Variants in DENND4C observed in about 807,000 individuals in gnomAD.
The protein encoded by DENND4C is DENN domain containing 4C.
In DENND4C, 108 loss-of-function variants were observed where a neutral mutation model predicts 203.0. That is an observed-to-expected ratio of 0.53 (90% CI 0.46 to 0.62). DENND4C has a LOEUF of 0.62. DENND4C is among the 20% of genes least tolerant of loss of function. DENND4C has a pLI of 0.00. For missense variants in DENND4C, 2,481 were observed against 2,301.2 expected (o/e 1.08, Z -1.60); for synonymous variants, 871 against 792.4 (o/e 1.10, Z -1.67).
intron 18 of DENND4C, among the ~76,000 whole-genome samples, chr9:19,335,862 G>C (rs796491691): frequency 6.6e-6 from 1 of 151,978 alleles, no homozygotes. Flanking sequence ...CATTTCTTTT[G>C]CATATCTATA....
intron 24 of DENND4C, among the ~76,000 whole-genome samples, chr9:19,351,861 A>C (rs191382222): frequency 9.4e-4 from 143 of 152,280 alleles, no homozygotes; most frequent in Non-Finnish European, 1.6e-3. Flanking sequence ...AGTTGAAAGA[A>C]TCGTATAATG....
chr9:19,262,846 G>C (rs1829706436), intron 1 of DENND4C, among the ~76,000 whole-genome samples: 1 of 152,228 alleles, frequency 6.6e-6, no homozygotes, highest in African/African-American at 2.4e-5. Flanking sequence ...TGGGATTACA[G>C]GTGTGAGCCA....
chr9:19,272,191 G>A (rs1313598183), intron 1 of DENND4C, among the ~76,000 whole-genome samples: 3 of 151,786 alleles, frequency 2.0e-5, no homozygotes, highest in African/African-American at 4.8e-5. Flanking sequence ...AGGCCAAGGT[G>A]GGCGGATCAC....
intron 1 of DENND4C, among the ~76,000 whole-genome samples, chr9:19,256,297 GT>G (rs796711741): frequency 0.011 from 1,402 of 122,566 alleles, 17 homozygotes; most frequent in African/African-American, 0.039. Flanking sequence ...TTTCTTTTCT[GT>G]TTTTTTTTTT....
intron 20 of DENND4C, among the ~76,000 whole-genome samples, chr9:19,337,887 A>G (rs1015556375): frequency 1.3e-5 from 2 of 152,214 alleles, no homozygotes; most frequent in African/African-American, 2.4e-5. Flanking sequence ...ATTTGAAAAT[A>G]TATTATGCCT....
At chr9:19,261,929 A>G (rs1450380935) in intron 1 of DENND4C, among the ~76,000 whole-genome samples, 2 of 151,950 alleles carry the variant, frequency 1.3e-5, no homozygotes, top group African/African-American at 4.8e-5. Context: ...CTTATTAAGT[A>G]CTTTATTTTA....
chr9:19,327,436 A>G (rs1427507782), intron 15 of DENND4C, among the ~76,000 whole-genome samples: 1 of 152,000 alleles, frequency 6.6e-6, no homozygotes, highest in Non-Finnish European at 1.5e-5. Context: ...TAATTATAAT[A>G]ATTTTAATTC....
intron 9 of DENND4C, among the ~76,000 whole-genome samples, chr9:19,300,548 G>C (rs1007236708): frequency 3.9e-5 from 6 of 152,094 alleles, no homozygotes; most frequent in Non-Finnish European, 5.9e-5. Context: ...TAGGAAAAAC[G>C]TCAATTTCCA....
Position 19,275,194 on chromosome 9 carries a change from T to G in DENND4C, c.-17-964T>G, listed in dbSNP as rs961023797. Among the ~76,000 whole-genome samples, 22 of 151,692 alleles carry G rather than the reference T, an allele frequency of 1.5e-4. 2 individuals carry two copies. Among genetic ancestry groups the G allele is most frequent in the Admixed American group, 4.6e-4 (7 of 15,244 alleles). On this transcript the variant is annotated intron_variant, in intron 1 of 32. Coordinates refer to ENST00000434457, the MANE Select transcript of DENND4C (RefSeq NM_001330640.2). ...GGTTTCACCATGTTAGCCAGGCTGG[T>G]GTCAAATTCCTGACCTCAAGTGATC...
intron 1 of DENND4C, among the ~76,000 whole-genome samples, chr9:19,233,249 T>C (rs1366632806): frequency 6.6e-6 from 1 of 152,186 alleles, no homozygotes; most frequent in Non-Finnish European, 1.5e-5. Context: ...TCATAATAAC[T>C]GAATTAAAAT....
intron 26 of DENND4C, among the ~76,000 whole-genome samples, chr9:19,355,876 C>T (rs1327665301): frequency 6.6e-6 from 1 of 152,020 alleles, no homozygotes; most frequent in Non-Finnish European, 1.5e-5. Context: ...TGGTATATCT[C>T]TGTATTTTTT....
intron 1 of DENND4C, among the ~76,000 whole-genome samples, chr9:19,244,415 T>C (rs2131505230): frequency 6.6e-6 from 1 of 152,258 alleles, no homozygotes; most frequent in Admixed American, 6.5e-5. Context: ...ATCTTCACAT[T>C]GGCTGATTAG....
chr9:19,287,906 A>G (rs747906404), intron 3 of DENND4C, among the ~76,000 whole-genome samples: 29 of 151,884 alleles, frequency 1.9e-4, no homozygotes, highest in Non-Finnish European at 3.4e-4. Flanking sequence ...CTAATTTTGT[A>G]TGTTTAGTAG....
intron 24 of DENND4C, among the ~76,000 whole-genome samples, chr9:19,351,481 G>A (rs991835207): frequency 5.3e-5 from 8 of 151,818 alleles, no homozygotes; most frequent in African/African-American, 7.3e-5. Context: ...ATTATAATTC[G>A]GTTCTTTTTC....
At chr9:19,347,439 G>T (rs1823161752) in intron 23 of DENND4C, among the ~76,000 whole-genome samples, 1 of 152,114 alleles carries the variant, frequency 6.6e-6, no homozygotes, top group Non-Finnish European at 1.5e-5. Context: ...CTGATTTCTG[G>T]TAACTTTGGT....
At chr9:19,256,813 G>A (rs763378667) in intron 1 of DENND4C, among the ~76,000 whole-genome samples, 11 of 152,062 alleles carry the variant, frequency 7.2e-5, no homozygotes, top group Non-Finnish European at 1.2e-4. Context: ...GCTCACGCCT[G>A]AAATCCCAGC....
intron 31 of DENND4C, 36 bp from the exon 32 acceptor site, chr9:19,371,720 T>G (rs764249829): frequency 1.5e-5 from 16 of 1,081,260 alleles, no homozygotes; most frequent in Non-Finnish European, 2.2e-5. Context: ...TTTATGCTAT[T>G]TGCCCATTGA....
chr9:19,281,589 C>G (rs1422818886), intron 2 of DENND4C, among the ~76,000 whole-genome samples: 2 of 152,120 alleles, frequency 1.3e-5, no homozygotes, highest in Admixed American at 1.3e-4. Context: ...TAGTACTTTT[C>G]TCTAGAAAAG....
chr9:19,352,729 G>A (rs958096752), intron 26 of DENND4C, 64 bp downstream of exon 26: 4 of 1,316,570 alleles, frequency 3.0e-6, no homozygotes, highest in Non-Finnish European at 4.1e-6. Context: ...TCTGGGAGAA[G>A]AGTGAAATAT....
Sources: allele counts gnomAD v4.1 joint callset (sites outside exome capture counted in the v4.1 genomes callset), GRCh38; gene constraint gnomAD v4.1.1; transcripts MANE v1.5; gene names NCBI Gene and HGNC (gene_info 2026-07-23, HGNC 2026-07-21).